Variants in SAGE1 observed in about 807,000 individuals in gnomAD.
SAGE1 encodes cancer/testis antigen 14.
A neutral mutation model predicts 55.4 loss-of-function variants in SAGE1; 55 were observed. The ratio of observed to expected loss-of-function variants is 0.99; its 90% CI spans 0.80 to 1.24. The LOEUF (loss-of-function observed/expected upper bound fraction) is 1.24, where lower values mean the gene tolerates loss of function less well. Ranked by LOEUF, SAGE1 falls within the 50% of genes most tolerant of loss-of-function variation. The probability of loss-of-function intolerance (pLI) is 0.00; values close to 1 mark genes in which losing one functional copy is unlikely to be tolerated. For synonymous variants in SAGE1, 240 were observed against 244.3 expected (o/e 0.98, Z 0.17); for missense variants, 710 against 704.4 (o/e 1.01, Z -0.09).
At position 135,909,796 on chromosome X, in the gene SAGE1, A is replaced by C; in HGVS notation, c.1723+17A>C. The C allele has an allele frequency of 8.5e-7, 1 of 1,175,911 alleles. No individual in the cohort carries two copies. Among genetic ancestry groups the C allele is most frequent in the Admixed American group, 2.3e-5 (1 of 42,647 alleles). ...GGGATCAGTGTATGTTTGCTTATTC[A>C]GTTGTACTGTCCTACTTGGTTTTCA... On this transcript the variant is annotated intron_variant, in intron 14 of 19. Coordinates refer to ENST00000370709, the MANE Select transcript of SAGE1 (RefSeq NM_001381902.1).
chrX:135,907,362 A>T lies in SAGE1; in HGVS notation c.927A>T (p.Gln309His). 1.7e-6 allele frequency: 2 copies of T among 1,207,751 alleles called. No homozygotes were observed. The highest frequency in any genetic ancestry group is 2.2e-6 in the Non-Finnish European group (2 of 892,413). Residue 309 changes from glutamine (Q) to histidine (H), a missense_variant, in exon 9 of 20, where the codon CAA becomes CAT. Physicochemically the swap from Gln to His is conservative, Grantham distance 24 (BLOSUM62 0). Coordinates refer to ENST00000370709, the MANE Select transcript of SAGE1 (RefSeq NM_001381902.1). ...NVCEEKMEND[Q>H]PQPNNVLSTV... ...GTGAAGAGAAGATGGAAAATGACCAACCGCAACCTAATAACGTATTGTCAA... is the reference window on the plus strand; with the variant it reads ...GTGAAGAGAAGATGGAAAATGACCATCCGCAACCTAATAACGTATTGTCAA...
At position 135,911,655 on chromosome X, in the gene SAGE1, T is replaced by G. The variant is rs35470903; in HGVS notation, c.2223T>G (p.Asn741Lys). 5.5e-3 allele frequency: 6,648 copies of G among 1,209,005 alleles called. 196 individuals are homozygous for G. The African/African-American group carries it at 0.098, about 18-fold the overall frequency. ...CCCCTCCTGATGGCTTCCTGTCAAA[T>G]TCTGATTCACCAGAGCTGATAAATA... ...DQTPPDGFLS[N>K]SDSPELINMT... Residue 741 changes from asparagine to lysine, a missense_variant, in exon 18 of 20, where the codon AAT (asparagine) becomes AAG (lysine). Asn to Lys is a moderately conservative substitution (Grantham distance 94, BLOSUM62 0). Transcript: ENST00000370709.
chrX:135,912,883 A>G lies in SAGE1; in HGVS notation c.2701A>G (p.Met901Val). ...CTGCCATCTCAGAAAAGTTAAGCAC[A>G]TGAGAAAAAGATAATTGTGTTAGTG... ...SHCHLRKVKH[M>V]RKR Residue 901 changes from methionine to valine, a missense_variant, in exon 20 of 20, where the codon ATG (methionine) becomes GTG (valine). Physicochemically the swap from Met to Val is conservative, Grantham distance 21 (BLOSUM62 1). Coordinates refer to ENST00000370709, the MANE Select transcript of SAGE1 (RefSeq NM_001381902.1). The G allele has an allele frequency of 2.5e-6, 3 of 1,188,996 alleles. No individual in the cohort carries two copies. The highest frequency in any genetic ancestry group is 3.4e-6 in the Non-Finnish European group (3 of 875,480).
chrX:135,911,844 T>G lies in SAGE1; in HGVS notation c.2412T>G (p.Ser804=). ...SAGDPPVTVM[S]LVETVPNTPQ... ...GTGACCCACCAGTTACAGTAATGTC[T>G]TTGGTGGAAACTGTGCCAAATACAC... The change falls in exon 18 of 20, where the codon TCT becomes TCG. Residue 804 remains serine, a synonymous_variant. Transcript: ENST00000370709. 1 of 1,210,945 alleles carries G rather than the reference T, an allele frequency of 8.3e-7. No individual in the cohort carries two copies. Among genetic ancestry groups the G allele is most frequent in the South Asian group, 1.8e-5 (1 of 57,003 alleles).
chrX:135,903,500 G>T (rs1556598184), intron 3 of SAGE1, among the ~76,000 whole-genome samples: 1 of 113,023 alleles, frequency 8.8e-6, no homozygotes, highest in Non-Finnish European at 1.9e-5. Flanking sequence ...GCCTGCCACA[G>T]ATGATGAATA....
At chrX:135,896,538 T>G (rs1265480027) in intron 2 of SAGE1, among the ~76,000 whole-genome samples, 3 of 102,479 alleles carry the variant, frequency 2.9e-5, no homozygotes, top group African/African-American at 1.0e-4. Flanking sequence ...TTTTATTTTA[T>G]TTTATTTTAT....
rs5930814 is a variant in SAGE1, at chrX:135,906,234, T to A, written c.595+70T>A. On this transcript the variant is annotated intron_variant, in intron 6 of 19. Coordinates refer to ENST00000370709, the MANE Select transcript of SAGE1 (RefSeq NM_001381902.1). ...GCATACATAGTGCCATGAAGGGAGT[T>A]AGGTGGTTTTGTTGTGTTATCGTTT... The A allele has an allele frequency of 0.26, 294,279 of 1,115,617 alleles. 26,442 individuals are homozygous for A. Among genetic ancestry groups the A allele is most frequent in the Non-Finnish European group, 0.28 (232,943 of 826,610 alleles). The allele number at this position is 1,115,617 out of a possible 1,213,427, so 91.9% of individuals were successfully genotyped here.
chrX:135,907,786 A>G lies in SAGE1; in HGVS notation c.1104A>G (p.Pro368=). ...GTAACGCCTTGTCAACTGTTCTACC[A>G]GGGCTTGCTTATTTGGCAACAGCTG... ...LPSNALSTVL[P]GLAYLATADM... is the part of the protein sequence containing the mutation. The change falls in exon 10 of 20, where the codon CCA becomes CCG. Residue 368 remains proline (P), a synonymous_variant. Coordinates refer to ENST00000370709, the MANE Select transcript of SAGE1 (RefSeq NM_001381902.1). The G allele has an allele frequency of 1.7e-6, 2 of 1,210,597 alleles. No individual in the cohort carries two copies. The highest frequency in any genetic ancestry group is 3.0e-5 in the East Asian group (1 of 33,839).
chrX:135,898,801 G>C (rs4829797), intron 2 of SAGE1, among the ~76,000 whole-genome samples: 23,931 of 111,257 alleles, frequency 0.22, 2,016 homozygotes, highest in Non-Finnish European at 0.26. Flanking sequence ...CTTTTGAGAC[G>C]TGTCTGTTCA....
chrX:135,902,338 T>G (rs2088693485), intron 3 of SAGE1, among the ~76,000 whole-genome samples: 2 of 111,969 alleles, frequency 1.8e-5, no homozygotes, highest in African/African-American at 3.3e-5. Flanking sequence ...ACGACTACAC[T>G]CGCGGTATCT....
In SAGE1 at chrX:135,906,081, C is replaced by A; in HGVS notation, c.512C>A (p.Pro171His). Residue 171 changes from proline (P) to histidine (H), a missense_variant, in exon 6 of 20, where the codon CCT becomes CAT. Transcript: ENST00000370709. ...EERMENGQPQ[P>H]DNVLSTGPTG... The stretch of plus-strand genomic sequence containing the variant: ...AGAATGGAAAATGGCCAACCCCAAC[C>A]TGATAACGTCTTGTCAACTGGTCCC... 1 of 1,206,043 alleles carries A rather than the reference C, an allele frequency of 8.3e-7. No homozygotes were observed. Among genetic ancestry groups the A allele is most frequent in the Non-Finnish European group, 1.1e-6 (1 of 890,569 alleles).
At chrX:135,900,235 C>T (rs1448861676) in intron 2 of SAGE1, among the ~76,000 whole-genome samples, 3 of 111,550 alleles carry the variant, frequency 2.7e-5, no homozygotes, top group Non-Finnish European at 3.8e-5. Flanking sequence ...GCCTTTTCTG[C>T]ATCTATTGAG....
At position 135,911,806 on chromosome X, in the gene SAGE1, A is replaced by C; in HGVS notation, c.2374A>C (p.Ser792Arg). ...ATTTGCGGTAGGCACCAAAAACTAC[A>C]GTGTCTCTGCAGGTGACCCACCAGT... The part of the protein sequence containing the change: ...NEFAVGTKNY[S>R]VSAGDPPVTV... The change falls in exon 18 of 20, where the codon AGT (serine) becomes CGT (arginine). Residue 792 changes from serine to arginine, a missense_variant. Coordinates refer to ENST00000370709, the MANE Select transcript of SAGE1 (RefSeq NM_001381902.1). 1 of 1,210,398 alleles carries C rather than the reference A, an allele frequency of 8.3e-7. No individual in the cohort carries two copies. The highest frequency in any genetic ancestry group is 1.7e-5 in the African/African-American group (1 of 57,891).
chrX:135,906,028 T>C lies in SAGE1; in HGVS notation c.459T>C (p.Ser153=), dbSNP rs1556600497. ...IPSMSTRDLH[S]TVTHNIREER... is the part of the protein sequence containing the mutation. The stretch of plus-strand genomic sequence containing the variant: ...AACTCTTCATTTGGTTTCCAGATTC[T>C]ACCGTCACTCACAATATCCGTGAAG... Residue 153 remains serine, a synonymous_variant, in exon 6 of 20, where the codon TCT becomes TCC. Coordinates refer to ENST00000370709, the MANE Select transcript of SAGE1 (RefSeq NM_001381902.1). 1.7e-6 allele frequency: 2 copies of C among 1,205,599 alleles called. No homozygotes were observed. Among genetic ancestry groups the C allele is most frequent in the South Asian group, 3.6e-5 (2 of 55,650 alleles).
intron 1 of SAGE1, among the ~76,000 whole-genome samples, chrX:135,895,457 C>G (rs1403246144): frequency 8.9e-6 from 1 of 112,068 alleles, no homozygotes; most frequent in Non-Finnish European, 1.9e-5. Context: ...AAGGTACTTT[C>G]CCAGGGAAAA....
At chrX:135,896,118 T>G in intron 1 of SAGE1, 125 bp from the exon 2 acceptor site, 3 of 479,063 alleles carry the variant, frequency 6.3e-6, no homozygotes. Flanking sequence ...CAATCTGTGA[T>G]CATGTACTCT....
In SAGE1 at chrX:135,907,055, C is replaced by G. The variant is rs372774863; in HGVS notation, c.866C>G (p.Thr289Ser). ...GGAGCTGGTACTCCAGCCATCAGCACCAATGGCCTGTGTATGTTTGCTTGT... is the reference window on the plus strand; with the variant it reads ...GGAGCTGGTACTCCAGCCATCAGCAGCAATGGCCTGTGTATGTTTGCTTGT... The part of the protein sequence containing the change: ...VAGAGTPAIS[T>S]NGLYSTVPHN... Residue 289 changes from threonine to serine, a missense_variant, in exon 8 of 20, where the codon ACC (threonine) becomes AGC (serine). Physicochemically the swap from Thr to Ser is moderately conservative, Grantham distance 58. Transcript: ENST00000370709. 63 of 1,206,644 alleles carry G rather than the reference C, an allele frequency of 5.2e-5. No homozygotes were observed. The highest frequency in any genetic ancestry group is 6.4e-5 in the Non-Finnish European group (57 of 893,358).
rs781833581 is a variant in SAGE1 at position 135,908,848 on chromosome X, T to G, written c.1442-16T>G. On this transcript the variant is annotated splice_polypyrimidine_tract_variant and intron_variant, in intron 12 of 19. Transcript: ENST00000370709. ...TGCACGTACCTCACAGCTTGACCTC[T>G]CCCTTTGGTTTCCAGATGCTACCAT... 12 of 1,208,902 alleles carry G rather than the reference T, an allele frequency of 9.9e-6. No homozygotes were observed. Among genetic ancestry groups the G allele is most frequent in the Non-Finnish European group, 1.2e-5 (11 of 893,762 alleles).
In SAGE1 at chrX:135,910,681, C is replaced by T. The variant is rs1603147010; in HGVS notation, c.2005+126C>T. On this transcript the variant is annotated intron_variant, in intron 16 of 19. Coordinates refer to ENST00000370709, the MANE Select transcript of SAGE1 (RefSeq NM_001381902.1). Reference sequence around the variant, plus strand: ...CTCAGTTTGAGGGGTATCATATGTCCACCTGGCATATCCTTGCCTTCTTTT... The same window carrying T: ...CTCAGTTTGAGGGGTATCATATGTCTACCTGGCATATCCTTGCCTTCTTTT... 5.1e-6 allele frequency: 3 copies of T among 586,991 alleles called. No individual in the cohort carries two copies. In the East Asian group the frequency reaches 9.9e-5, roughly 19 times the overall value. The allele number at this position is 586,991 out of a possible 1,213,427, so 48.4% of individuals were successfully genotyped here.
Sources: gnomAD v4.1 joint callset for allele counts (sites outside exome capture counted in the v4.1 genomes callset) on GRCh38, gnomAD v4.1.1 for gene constraint, MANE v1.5 for transcripts, NCBI Gene and HGNC (gene_info 2026-07-23, HGNC 2026-07-21) for gene names.